The following PSME4 variants were observed in gnomAD, a reference collection of about 807,000 sequenced individuals.
PSME4 encodes the protein proteasome activator subunit 4.
Under a neutral mutation model 253.9 loss-of-function variants are expected in PSME4, and 89 were observed. That is an observed-to-expected ratio of 0.35 (90% CI 0.30 to 0.42). PSME4 has a LOEUF of 0.42. Ranked by LOEUF, PSME4 falls within the 10% of genes least tolerant of loss-of-function variation. PSME4 has a pLI of 1.00. For synonymous variants in PSME4, 851 were observed against 759.2 expected, an observed-to-expected ratio of 1.12 and a Z score of -1.99; for missense variants, 2,014 against 2,195.2, an observed-to-expected ratio of 0.92 and a Z score of 1.65.
rs1178314577 is a variant in PSME4, at chr2:53,940,976, T to C, written c.501-976A>G. On this transcript the variant is annotated intron_variant, in intron 3 of 46. Transcript: ENST00000404125. Reference sequence around the variant, plus strand: ...ACATATATATATATATATATATATATATATATATATATATATATATATATG... The same window carrying C: ...ACATATATATATATATATATATATACATATATATATATATATATATATATG... 3.2e-3 allele frequency among the ~76,000 whole-genome samples: 180 copies of C among 55,728 alleles called. 12 individuals are homozygous for C. The highest frequency in any genetic ancestry group is 7.6e-3 in the African/African-American group (164 of 21,504). The allele number at this position is 55,728 out of a possible 152,430, so 36.6% of individuals were successfully genotyped here. A position where few individuals can be genotyped will look rare whatever the true frequency, so the allele number is the denominator to read the frequency against.
Position 53,928,203 on chromosome 2 carries a change from A to G in PSME4, c.1417T>C (p.Trp473Arg). 1 of 1,614,132 alleles carries G rather than the reference A, an allele frequency of 6.2e-7. No homozygotes were observed. The highest frequency in any genetic ancestry group is 8.5e-7 in the Non-Finnish European group (1 of 1,179,976). ...VARSLVSGGR[W>R]FPEGPTHMLP... is the part of the protein sequence containing the mutation. ...ATATGTGTAGGACCTTCAGGAAACC[A>G]TCTGCCTCCTGATACCAAACTGCGG... Residue 473 changes from tryptophan to arginine, a missense_variant, in exon 11 of 47, where the codon TGG becomes CGG. By Grantham distance (101) the Trp-to-Arg change is moderately radical. Transcript: ENST00000404125.
chr2:53,958,230 C>G (rs1051993423), intron 1 of PSME4, among the ~76,000 whole-genome samples: 1 of 150,706 alleles, frequency 6.6e-6, no homozygotes, highest in Non-Finnish European at 1.5e-5. Context: ...GTGGCGTGCA[C>G]CTGTAATCCC....
chr2:53,895,202 A>C, intron 33 of PSME4, 126 bp from the exon 34 acceptor site: 1 of 734,104 alleles, frequency 1.4e-6, no homozygotes, highest in Non-Finnish European at 2.2e-6. Context: ...AGATGAGTAC[A>C]GCAGTAACAG....
intron 32 of PSME4, 73 bp from the exon 33 acceptor site, chr2:53,895,809 C>T (rs933304052): frequency 1.5e-6 from 2 of 1,348,432 alleles, no homozygotes; most frequent in East Asian, 2.3e-5. Flanking sequence ...TTTCAATCAA[C>T]AGTACCAGCA....
chr2:53,897,754 T>G, intron 31 of PSME4, 116 bp downstream of exon 31: 1 of 1,189,682 alleles, frequency 8.4e-7, no homozygotes, highest in Non-Finnish European at 1.2e-6. Flanking sequence ...AGATTTCAAA[T>G]CAATACACTT....
At chr2:53,902,780 T>C (rs1457149623) in intron 27 of PSME4, among the ~76,000 whole-genome samples, 2 of 152,198 alleles carry the variant, frequency 1.3e-5, no homozygotes, top group African/African-American at 4.8e-5. Context: ...AAAGTAGCCA[T>C]ACATAATATA....
chr2:53,906,853 G>GT lies in PSME4; in HGVS notation c.2799dup (p.Gln934ThrfsTer9). ...TCAATCAACAGTGCTCTGATATGTT[G>GT]TTTTTTCCCATGGAGCTGGAAAACA... On this transcript the variant is annotated frameshift_variant, in exon 25 of 47. Coordinates refer to ENST00000404125, the MANE Select transcript of PSME4 (RefSeq NM_014614.3). LOFTEE classifies it high-confidence loss of function. The GT allele has an allele frequency of 1.2e-6, 2 of 1,613,330 alleles. No homozygotes were observed. The highest frequency in any genetic ancestry group is 1.1e-5 in the South Asian group (1 of 90,998).
At position 53,936,745 on chromosome 2, in the gene PSME4, G is replaced by A. The variant is rs1669138779; in HGVS notation, c.759+19C>T. ...AAAAAAAACTATAGGGGGGAAGAAA[G>A]GGAAAAAGGGATACTTACCCCCTCC... On this transcript the variant is annotated intron_variant, in intron 6 of 46. Transcript: ENST00000404125. 6.6e-7 allele frequency: 1 copy of A among 1,524,656 alleles called. No individual in the cohort carries two copies. The highest frequency in any genetic ancestry group is 8.8e-7 in the Non-Finnish European group (1 of 1,132,698). The allele number at this position is 1,524,656 out of a possible 1,614,324, so 94.4% of individuals were successfully genotyped here. A position where few individuals can be genotyped will look rare whatever the true frequency, so the allele number is the denominator to read the frequency against.
Position 53,901,564 on chromosome 2 carries a change from A to C in PSME4, c.3076-5T>G. On this transcript the variant is annotated splice_region_variant and splice_polypyrimidine_tract_variant and intron_variant, in intron 27 of 46. Coordinates refer to ENST00000404125, the MANE Select transcript of PSME4 (RefSeq NM_014614.3). ...AAGGAGACAGTACAAGGCACCCTGC[A>C]GAAAAAAAAATATATATATGTTTAC... is the stretch of plus-strand genomic sequence containing the variant. 6.3e-7 allele frequency: 1 copy of C among 1,594,920 alleles called. No individual in the cohort carries two copies. Among genetic ancestry groups the C allele is most frequent in the Non-Finnish European group, 8.6e-7 (1 of 1,166,190 alleles).
At chr2:53,870,368 T>C (rs901985309) in intron 43 of PSME4, 1 of 141,486 alleles carries the variant, frequency 7.1e-6, no homozygotes, top group Non-Finnish European at 1.5e-5. Flanking sequence ...ATTTCTTTTC[T>C]TTTCGTTTTT....
At chr2:53,933,045 T>C (rs936342775) in intron 8 of PSME4, 4 of 290,444 alleles carry the variant, frequency 1.4e-5, no homozygotes, top group African/African-American at 8.5e-5. Flanking sequence ...TTTACTGTTC[T>C]GCAGTAAATA....
At chr2:53,873,068 G>A (rs185348660) in intron 43 of PSME4, among the ~76,000 whole-genome samples, 37 of 151,440 alleles carry the variant, frequency 2.4e-4, no homozygotes, top group Non-Finnish European at 4.4e-4. Flanking sequence ...GTGAAACCCC[G>A]TCTCTACTAA....
At chr2:53,894,268 C>CTT (rs1034187387) in intron 34 of PSME4, among the ~76,000 whole-genome samples, 2 of 151,956 alleles carry the variant, frequency 1.3e-5, no homozygotes, top group African/African-American at 4.8e-5. Flanking sequence ...TCTCAACTTT[C>CTT]TTTTTTTTCT....
At chr2:53,925,320 C>T (rs534673512) in intron 14 of PSME4, among the ~76,000 whole-genome samples, 2 of 152,282 alleles carry the variant, frequency 1.3e-5, no homozygotes, top group South Asian at 4.1e-4. Context: ...TTTTGTCAGT[C>T]GCAAAAGCTT....
intron 3 of PSME4, among the ~76,000 whole-genome samples, chr2:53,942,537 T>C (rs956288404): frequency 6.6e-6 from 1 of 152,078 alleles, no homozygotes; most frequent in East Asian, 1.9e-4. Flanking sequence ...TTAATTTGAG[T>C]ATCAGTTCTG....
chr2:53,970,921 C>T lies in PSME4; in HGVS notation c.-137G>A, dbSNP rs1300263960. 7.3e-6 allele frequency: 5 copies of T among 682,472 alleles called. No homozygotes were observed. The highest frequency in any genetic ancestry group is 3.8e-5 in the African/African-American group (2 of 52,088). 42.3% of individuals were successfully genotyped at this position (682,472 alleles called of 1,614,324 possible). ...CGTCGCCCTCGGACCGATCGCTAGGCCCCCTTCCCTGGCCGGCGTGCTGCT... is the reference window on the plus strand; with the variant it reads ...CGTCGCCCTCGGACCGATCGCTAGGTCCCCTTCCCTGGCCGGCGTGCTGCT... On this transcript the variant is annotated 5_prime_UTR_variant, in exon 1 of 47. Transcript: ENST00000404125.
chr2:53,961,118 GAGA>G (rs1424810138), intron 1 of PSME4, among the ~76,000 whole-genome samples: 2 of 152,148 alleles, frequency 1.3e-5, no homozygotes, highest in African/African-American at 2.4e-5. Flanking sequence ...AAGAAAGAGA[GAGA>G]AGAAATGTTA....
Position 53,932,118 on chromosome 2 carries a change from A to G in PSME4, c.1051-18T>C. 1 of 1,609,042 alleles carries G rather than the reference A, an allele frequency of 6.2e-7. No homozygotes were observed. On this transcript the variant is annotated intron_variant, in intron 9 of 46. Coordinates refer to ENST00000404125, the MANE Select transcript of PSME4 (RefSeq NM_014614.3). ...AACTTGTTCTGGGGACACAGAAGCA[A>G]AAAGTTCTAAGTAGGTTCTACTTTG...
intron 19 of PSME4, 80 bp from the exon 20 acceptor site, chr2:53,919,326 T>A: frequency 2.1e-6 from 3 of 1,445,466 alleles, no homozygotes; most frequent in Non-Finnish European, 2.7e-6. Flanking sequence ...AGAAGTTTTC[T>A]CACGTGGGGA....
Sources: gnomAD v4.1 joint callset for allele counts (sites outside exome capture counted in the v4.1 genomes callset) on GRCh38, gnomAD v4.1.1 for gene constraint, MANE v1.5 for transcripts, NCBI Gene and HGNC (gene_info 2026-07-23, HGNC 2026-07-21) for gene names.